Variants in PTPRK observed in about 807,000 individuals in gnomAD.
The protein encoded by PTPRK is protein tyrosine phosphatase receptor type K.
Under a neutral mutation model 178.0 loss-of-function variants are expected in PTPRK, and 75 were observed. The ratio of observed to expected loss-of-function variants is 0.42; its 90% CI spans 0.35 to 0.51. The LOEUF is 0.51. Among genes scored for constraint, PTPRK ranks in the 20% least tolerant of loss-of-function variants. The probability of loss-of-function intolerance (pLI) is 0.02; values close to 1 mark genes in which losing one functional copy is unlikely to be tolerated. For synonymous variants in PTPRK, 637 were observed against 620.6 expected (o/e 1.03, Z -0.39); for missense variants, 1,441 against 1,797.8 (o/e 0.80, Z 3.59).
intron 3 of PTPRK, among the ~76,000 whole-genome samples, chr6:128,264,454 T>C (rs969615132): frequency 6.6e-6 from 1 of 152,112 alleles, no homozygotes; most frequent in Non-Finnish European, 1.5e-5. Context: ...TTACTTTGGA[T>C]AGGTCTTTAT....
intron 2 of PTPRK, among the ~76,000 whole-genome samples, chr6:128,358,450 C>T (rs1834253264): frequency 6.6e-6 from 1 of 152,194 alleles, no homozygotes; most frequent in Non-Finnish European, 1.5e-5. Context: ...GAAAACACTG[C>T]TCCAACCACA....
chr6:127,990,328 T>C (rs919244964), intron 21 of PTPRK, among the ~76,000 whole-genome samples: 1 of 152,110 alleles, frequency 6.6e-6, no homozygotes, highest in Non-Finnish European at 1.5e-5. Flanking sequence ...AGAAACATTA[T>C]TGCCCTGGAC....
At chr6:128,231,436 G>C (rs1019755611) in intron 5 of PTPRK, among the ~76,000 whole-genome samples, 1 of 152,160 alleles carries the variant, frequency 6.6e-6, no homozygotes, top group Non-Finnish European at 1.5e-5. Flanking sequence ...ATCAGCTAAA[G>C]TTTAGAGCAG....
intron 2 of PTPRK, among the ~76,000 whole-genome samples, chr6:128,385,881 A>T (rs73589550): frequency 1.8e-4 from 27 of 152,332 alleles, no homozygotes; most frequent in African/African-American, 6.5e-4. Flanking sequence ...CAGGTTACTA[A>T]GCCAGAGTTT....
chr6:128,429,440 G>A (rs147865133), intron 1 of PTPRK, among the ~76,000 whole-genome samples: 2 of 152,182 alleles, frequency 1.3e-5, no homozygotes, highest in Non-Finnish European at 2.9e-5. Context: ...ATTATTCCAA[G>A]CAACTGAGCT....
At chr6:128,161,003 A>G (rs1287750431) in intron 7 of PTPRK, among the ~76,000 whole-genome samples, 1 of 151,570 alleles carries the variant, frequency 6.6e-6, no homozygotes, top group Non-Finnish European at 1.5e-5. Context: ...TACATTTATA[A>G]GCCTTAAGGA....
intron 3 of PTPRK, among the ~76,000 whole-genome samples, chr6:128,260,978 T>C (rs1361120426): frequency 1.3e-5 from 2 of 152,198 alleles, no homozygotes; most frequent in South Asian, 2.1e-4. Context: ...TCTTTTTATG[T>C]ATAGGCTGAG....
intron 1 of PTPRK, among the ~76,000 whole-genome samples, chr6:128,510,495 T>A (rs1318610456): frequency 6.6e-6 from 1 of 152,186 alleles, no homozygotes; most frequent in Non-Finnish European, 1.5e-5. Flanking sequence ...AAAAATAAAA[T>A]CACCATCATC....
intron 3 of PTPRK, among the ~76,000 whole-genome samples, chr6:128,291,236 G>C (rs139787624): frequency 2.0e-5 from 3 of 152,196 alleles, no homozygotes; most frequent in African/African-American, 7.2e-5. Flanking sequence ...GCTGTCGCTG[G>C]TCTTGAAGAC....
At chr6:128,460,328 G>A (rs74803356) in intron 1 of PTPRK, among the ~76,000 whole-genome samples, 2,513 of 152,176 alleles carry the variant, frequency 0.017, 29 homozygotes, top group Non-Finnish European at 0.027. Flanking sequence ...AGGATTGCTT[G>A]AGCTCAGGAA....
At chr6:128,132,504 C>A (rs1794407824) in intron 7 of PTPRK, among the ~76,000 whole-genome samples, 1 of 152,202 alleles carries the variant, frequency 6.6e-6, no homozygotes, top group African/African-American at 2.4e-5. Context: ...AAAACTAGTG[C>A]CATCAGTAAT....
intron 1 of PTPRK, among the ~76,000 whole-genome samples, chr6:128,424,047 C>A (rs949323294): frequency 6.7e-6 from 1 of 149,364 alleles, no homozygotes; most frequent in Non-Finnish European, 1.5e-5. Flanking sequence ...CAGAGAGACA[C>A]CTAGTCCCTA....
chr6:128,377,151 C>A lies in PTPRK; in HGVS notation c.223+20415G>T, dbSNP rs183158232. ...GCACCTCACTCCTGGTACCAATTTACTGTATTAGTCCATTTTCACACTGCT... is the reference window on the plus strand; with the variant it reads ...GCACCTCACTCCTGGTACCAATTTAATGTATTAGTCCATTTTCACACTGCT... On this transcript the variant is annotated intron_variant, in intron 2 of 29. Transcript: ENST00000368226. 1.5e-3 allele frequency among the ~76,000 whole-genome samples: 231 copies of A among 152,276 alleles called. 1 individual carries two copies. The highest frequency in any genetic ancestry group is 2.6e-3 in the Non-Finnish European group (176 of 68,014).
intron 2 of PTPRK, among the ~76,000 whole-genome samples, chr6:128,348,492 T>TA (rs1832706226): frequency 1.3e-5 from 2 of 152,018 alleles, no homozygotes; most frequent in South Asian, 4.1e-4. Flanking sequence ...TATTTGTACT[T>TA]AAAAACTATG....
intron 7 of PTPRK, among the ~76,000 whole-genome samples, chr6:128,116,918 G>T (rs533993893): frequency 1.3e-5 from 2 of 152,100 alleles, no homozygotes; most frequent in Non-Finnish European, 2.9e-5. Context: ...AGGCCGAGGC[G>T]TGTGGATCAC....
intron 5 of PTPRK, among the ~76,000 whole-genome samples, chr6:128,232,551 TA>T (rs1812484647): frequency 6.6e-6 from 1 of 152,232 alleles, no homozygotes; most frequent in South Asian, 2.1e-4. Flanking sequence ...TTCTCCCTTA[TA>T]ATCAGCTTAT....
intron 3 of PTPRK, among the ~76,000 whole-genome samples, chr6:128,268,365 A>C (rs1819277937): frequency 1.3e-5 from 2 of 151,998 alleles, no homozygotes; most frequent in Non-Finnish European, 2.9e-5. Flanking sequence ...AAGGGTCATC[A>C]ATTATTGAGC....
At chr6:127,986,147 C>G (rs866957523) in intron 21 of PTPRK, among the ~76,000 whole-genome samples, 1 of 152,098 alleles carries the variant, frequency 6.6e-6, no homozygotes, top group South Asian at 2.1e-4. Flanking sequence ...ACTTTGACAG[C>G]TTGTTTCTTG....
At chr6:128,401,612 G>A (rs2128371973) in intron 1 of PTPRK, among the ~76,000 whole-genome samples, 1 of 152,184 alleles carries the variant, frequency 6.6e-6, no homozygotes, top group Admixed American at 6.5e-5. Context: ...AAAGATTATT[G>A]TCCTAAGATC....
Sources: gnomAD v4.1 joint callset for allele counts (sites outside exome capture counted in the v4.1 genomes callset) on GRCh38, gnomAD v4.1.1 for gene constraint, MANE v1.5 for transcripts, NCBI Gene and HGNC (gene_info 2026-07-23, HGNC 2026-07-21) for gene names.